The following TLE2 variants were observed in gnomAD, a reference collection of about 807,000 sequenced individuals.
The protein encoded by TLE2 is transducin-like enhancer protein 2.
Under a neutral mutation model 97.2 loss-of-function variants are expected in TLE2, and 74 were observed. That is an observed-to-expected ratio of 0.76 (90% CI 0.63 to 0.92). TLE2 has a LOEUF of 0.92. TLE2 is among the 40% of genes least tolerant of loss of function. TLE2 has a pLI of 0.00. For missense variants in TLE2, 1,038 were observed against 1,008.7 expected (o/e 1.03, Z -0.39); for synonymous variants, 499 against 432.1 (o/e 1.15, Z -1.92).
chr19:3,033,488 G>C (rs1410440275), upstream of TLE2, among the ~76,000 whole-genome samples: 1 of 152,064 alleles, frequency 6.6e-6, no homozygotes, highest in East Asian at 1.9e-4. Context: ...TTTTAGTAGA[G>C]ACATGGTTTC....
At chr19:3,013,876 T>C in intron 10 of TLE2, 58 bp from the exon 11 acceptor site, 1 of 1,365,258 alleles carries the variant, frequency 7.3e-7, no homozygotes, top group Non-Finnish European at 9.5e-7. Flanking sequence ...GAAGAGTCCC[T>C]TCTCTATCCT....
rs1391441637 is a variant in TLE2, at chr19:3,021,117, G to T, written c.295-1344C>A. Among the ~76,000 whole-genome samples the T allele has an allele frequency of 1.3e-3, 158 of 124,730 alleles. 5 individuals carry two copies. The highest frequency in any genetic ancestry group is 1.6e-3 in the African/African-American group (56 of 34,890). 81.8% of individuals were successfully genotyped at this position (124,730 alleles called of 152,430 possible). On this transcript the variant is annotated intron_variant, in intron 5 of 19. Coordinates refer to ENST00000262953, the MANE Select transcript of TLE2 (RefSeq NM_003260.5). ...AAAAAAAAAAAAAAAAAAAAAAAGG[G>T]GGGGGGGTGCTGAGCGTGGTGACTC...
chr19:3,035,015 T>G (rs2090051687), intron 1 of TLE2, among the ~76,000 whole-genome samples: 1 of 152,136 alleles, frequency 6.6e-6, no homozygotes, highest in Admixed American at 6.5e-5. Context: ...AGTCTTCAGA[T>G]CCCTCTAACA....
intron 1 of TLE2, among the ~76,000 whole-genome samples, chr19:3,037,395 T>G (rs1385051285): frequency 6.6e-6 from 1 of 152,222 alleles, no homozygotes; most frequent in Non-Finnish European, 1.5e-5. Context: ...GCCTTTAGAT[T>G]ACCCTAACCC....
chr19:3,010,398 C>T (rs2089571335), intron 12 of TLE2, among the ~76,000 whole-genome samples: 1 of 151,814 alleles, frequency 6.6e-6, no homozygotes, highest in Non-Finnish European at 1.5e-5. Context: ...AAAACCCAGG[C>T]CCAATGTCCA....
intron 1 of TLE2, among the ~76,000 whole-genome samples, chr19:3,040,635 G>A (rs937727194): frequency 6.0e-5 from 9 of 150,876 alleles, no homozygotes; most frequent in African/African-American, 1.5e-4. Flanking sequence ...CATCTCACCC[G>A]GCACAGCATT....
chr19:3,037,542 C>G (rs944634878), intron 1 of TLE2, among the ~76,000 whole-genome samples: 3 of 152,100 alleles, frequency 2.0e-5, no homozygotes, highest in East Asian at 1.9e-4. Context: ...GTAGATACCC[C>G]CTAGGGTTAG....
At chr19:3,001,617 C>G (rs1339808280) in intron 18 of TLE2, among the ~76,000 whole-genome samples, 1 of 151,848 alleles carries the variant, frequency 6.6e-6, no homozygotes, top group Non-Finnish European at 1.5e-5. Context: ...TCCCTCGTAC[C>G]TGGCACTACA....
intron 1 of TLE2, among the ~76,000 whole-genome samples, chr19:3,041,696 G>T (rs1184893533): frequency 1.3e-5 from 2 of 152,226 alleles, no homozygotes; most frequent in Non-Finnish European, 2.9e-5. Flanking sequence ...CACGAGGGTC[G>T]AGAGGCGCTC....
chr19:3,025,865 A>C lies in TLE2; in HGVS notation c.232-783T>G, dbSNP rs1033382945. ...ATGGGACCACGCCATGCTTCAGCAG[A>C]CAAGCCCCCTCCTGCCCACATCAGA... On this transcript the variant is annotated intron_variant, in intron 4 of 19. Coordinates refer to ENST00000262953, the MANE Select transcript of TLE2 (RefSeq NM_003260.5). 5.1e-4 allele frequency among the ~76,000 whole-genome samples: 77 copies of C among 152,050 alleles called. 3 individuals carry two copies. Among genetic ancestry groups the C allele is most frequent in the Admixed American group, 3.3e-4 (5 of 15,262 alleles).
chr19:3,005,321 A>C, intron 17 of TLE2, 116 bp downstream of exon 17: 1 of 1,362,256 alleles, frequency 7.3e-7, no homozygotes, highest in Non-Finnish European at 9.8e-7. Context: ...GATGGACACC[A>C]CAGCAGATGG....
intron 15 of TLE2, chr19:3,006,173 G>A (rs1568233249): frequency 8.5e-6 from 8 of 944,504 alleles, no homozygotes; most frequent in Non-Finnish European, 1.4e-5. Flanking sequence ...TTACCTATAA[G>A]CCCCACCCAT....
chr19:3,008,910 T>C lies in TLE2; in HGVS notation c.1209A>G (p.Ser403=). 6.3e-7 allele frequency: 1 copy of C among 1,595,826 alleles called. No individual in the cohort carries two copies. The highest frequency in any genetic ancestry group is 1.1e-5 in the South Asian group (1 of 87,572). The stretch of plus-strand genomic sequence containing the variant: ...TGCTGGGTAGGGAGGAAGAGACGGA[T>C]GACCCTCGGAGATGGGGATGAGACT... ...AFESHPHLRG[S]SVSSSLPSIP... is the part of the protein sequence containing the mutation. Residue 403 remains serine (S), a synonymous_variant, in exon 14 of 20, where the codon TCA becomes TCG. Transcript: ENST00000262953.
chr19:3,039,490 A>C (rs2090085003), intron 1 of TLE2, among the ~76,000 whole-genome samples: 1 of 152,066 alleles, frequency 6.6e-6, no homozygotes, highest in Non-Finnish European at 1.5e-5. Context: ...AACCACGGCC[A>C]GCCTTTCTCT....
chr19:3,006,401 T>G lies in TLE2; in HGVS notation c.1500+19A>C. ...CCCCTCACCTGTGAGTCCCGCCCAC[T>G]GTCCCACCCCGCCCTCACCAGGCAG... On this transcript the variant is annotated intron_variant, in intron 15 of 19. Transcript: ENST00000262953. 6.3e-7 allele frequency: 1 copy of G among 1,590,988 alleles called. No homozygotes were observed. Among genetic ancestry groups the G allele is most frequent in the Non-Finnish European group, 8.6e-7 (1 of 1,168,096 alleles).
chr19:3,023,994 CTTTTT>C (rs372319602), intron 5 of TLE2, among the ~76,000 whole-genome samples: 1 of 123,090 alleles, frequency 8.1e-6, no homozygotes, highest in Non-Finnish European at 1.6e-5. Flanking sequence ...GAAGAGCTAA[CTTTTT>C]TTTTTTTTTT....
At chr19:2,999,417 G>A (rs2089300199) in intron 19 of TLE2, among the ~76,000 whole-genome samples, 1 of 152,094 alleles carries the variant, frequency 6.6e-6, no homozygotes, top group Admixed American at 6.6e-5. Context: ...TTCAATCACT[G>A]CTGATGGGGA....
At position 3,006,528 on chromosome 19, in the gene TLE2, G is replaced by A; in HGVS notation, c.1392C>T (p.Thr464=). The part of the protein sequence containing the change: ...LAHGEVVCAV[T]ISGSTQHVYT... ...ACACATGCTGTGTGGAGCCGCTGAT[G>A]GTGACCGCGCAGACCACCTCGCCAT... Residue 464 remains threonine, a synonymous_variant, in exon 15 of 20, where the codon ACC becomes ACT. Transcript: ENST00000262953. 13 of 1,607,550 alleles carry A rather than the reference G, an allele frequency of 8.1e-6. No individual in the cohort carries two copies. Among genetic ancestry groups the A allele is most frequent in the Non-Finnish European group, 1.1e-5 (13 of 1,177,970 alleles).
At chr19:3,021,536 T>C (rs2089843995) in intron 5 of TLE2, among the ~76,000 whole-genome samples, 1 of 152,226 alleles carries the variant, frequency 6.6e-6, no homozygotes, top group Non-Finnish European at 1.5e-5. Flanking sequence ...TTTTATTAAA[T>C]TTAAGTGAAT....
Sources: gnomAD v4.1 joint callset for allele counts (sites outside exome capture counted in the v4.1 genomes callset) on GRCh38, gnomAD v4.1.1 for gene constraint, MANE v1.5 for transcripts, NCBI Gene and HGNC (gene_info 2026-07-23, HGNC 2026-07-21) for gene names.